Variants in FGF13 observed in about 807,000 individuals in gnomAD.
FGF13 encodes fibroblast growth factor 13, also known as fibroblast growth factor homologous factor 2.
FGF13 carries 2 observed loss-of-function variants against 19.5 expected under a neutral mutation model. The ratio of observed to expected loss-of-function variants is 0.10; its 90% confidence interval spans 0.04 to 0.32. FGF13 has a LOEUF of 0.32. Among genes scored for constraint, FGF13 ranks in the 10% least tolerant of loss-of-function variants. The probability of loss-of-function intolerance (pLI) is 1.00; values close to 1 mark genes in which losing one functional copy is unlikely to be tolerated. For synonymous variants in FGF13, 72 were observed against 76.9 expected (o/e 0.94, Z 0.33); for missense variants, 113 against 192.7 (o/e 0.59, Z 2.45).
intron 3 of FGF13, among the ~76,000 whole-genome samples, chrX:138,850,060 C>T (rs2124125698): frequency 9.0e-6 from 1 of 111,179 alleles, no homozygotes; most frequent in South Asian, 3.8e-4. Flanking sequence ...AAGGAAACCA[C>T]CACCATGATT....
At chrX:138,909,204 C>A (rs996824483) in intron 1 of FGF13, among the ~76,000 whole-genome samples, 4 of 111,585 alleles carry the variant, frequency 3.6e-5, no homozygotes, top group African/African-American at 1.3e-4. Context: ...TCCTGTTTCC[C>A]GGGGATGGAG....
At chrX:138,953,374 A>G (rs1168023479) in intron 1 of FGF13, among the ~76,000 whole-genome samples, 3 of 110,351 alleles carry the variant, frequency 2.7e-5, no homozygotes, top group Non-Finnish European at 5.7e-5. Context: ...TGGGAATTGA[A>G]CAATGAGAAC....
At chrX:139,138,414 G>C (rs1428735284) in intron 1 of FGF13, among the ~76,000 whole-genome samples, 3 of 111,768 alleles carry the variant, frequency 2.7e-5, no homozygotes, top group Non-Finnish European at 5.6e-5. Context: ...TCTCTCCCAA[G>C]TCAGAGGCTA....
At chrX:139,086,297 C>T (rs2083403110) in intron 1 of FGF13, among the ~76,000 whole-genome samples, 1 of 111,178 alleles carries the variant, frequency 9.0e-6, no homozygotes, top group Non-Finnish European at 1.9e-5. Context: ...TACTGCCCCC[C>T]AAACATACTG....
At chrX:138,777,698 C>T (rs1430862148) in intron 3 of FGF13, among the ~76,000 whole-genome samples, 1 of 111,428 alleles carries the variant, frequency 9.0e-6, no homozygotes, top group Admixed American at 9.5e-5. Context: ...AAAATAGCAC[C>T]GCGAAAGCTC....
chrX:139,163,345 G>A (rs1053519945), intron 1 of FGF13, among the ~76,000 whole-genome samples: 1 of 110,394 alleles, frequency 9.1e-6, no homozygotes, highest in Non-Finnish European at 1.9e-5. Flanking sequence ...TGAACACTGA[G>A]AACACATGGA....
At chrX:138,953,962 G>T (rs1056873181) in intron 1 of FGF13, among the ~76,000 whole-genome samples, 3 of 111,356 alleles carry the variant, frequency 2.7e-5, no homozygotes, top group Admixed American at 9.6e-5. Context: ...GAAACAAAGA[G>T]AAACTTTCTA....
chrX:138,667,564 A>G (rs928764935), intron 3 of FGF13: 4 of 312,956 alleles, frequency 1.3e-5, no homozygotes, highest in Middle Eastern at 9.4e-4. Flanking sequence ...TTCAATAACT[A>G]CTAAAGAGAC....
intron 3 of FGF13, among the ~76,000 whole-genome samples, chrX:138,814,489 T>A (rs1020405431): frequency 9.1e-5 from 10 of 110,371 alleles, no homozygotes; most frequent in African/African-American, 2.0e-4. Context: ...TATAAGGAAC[T>A]CAAACAACTC....
intron 1 of FGF13, among the ~76,000 whole-genome samples, chrX:138,934,480 T>A (rs1387208540): frequency 1.8e-5 from 2 of 112,698 alleles, no homozygotes; most frequent in Non-Finnish European, 3.7e-5. Flanking sequence ...TCCTGCCTAA[T>A]AAGTCTGAAG....
intron 1 of FGF13, among the ~76,000 whole-genome samples, chrX:139,197,700 A>G (rs1316594583): frequency 8.9e-6 from 1 of 111,747 alleles, no homozygotes; most frequent in Non-Finnish European, 1.9e-5. Context: ...TGATAGAAAT[A>G]AAAATAGGAG....
At chrX:139,175,613 G>T (rs1243072007) in intron 1 of FGF13, among the ~76,000 whole-genome samples, 1 of 111,774 alleles carries the variant, frequency 8.9e-6, no homozygotes, top group Non-Finnish European at 1.9e-5. Flanking sequence ...GCATGAAAGA[G>T]TGTTGAATAT....
At chrX:138,846,382 A>G (rs1267953228) in intron 3 of FGF13, among the ~76,000 whole-genome samples, 1 of 111,457 alleles carries the variant, frequency 9.0e-6, no homozygotes, top group Non-Finnish European at 1.9e-5. Flanking sequence ...TGCCCCATTG[A>G]AGTCCTCTGT....
intron 1 of FGF13, among the ~76,000 whole-genome samples, chrX:138,869,894 A>G (rs1445590929): frequency 8.9e-6 from 1 of 111,871 alleles, no homozygotes; most frequent in Admixed American, 9.5e-5. Context: ...GGGATTACAG[A>G]TGGAAGAATA....
chrX:139,054,956 G>T (rs1421855533), intron 1 of FGF13, among the ~76,000 whole-genome samples: 1 of 104,616 alleles, frequency 9.6e-6, no homozygotes, highest in Non-Finnish European at 1.9e-5. Flanking sequence ...TTGTAAAAGG[G>T]GTTGAGTTCT....
intron 1 of FGF13, among the ~76,000 whole-genome samples, chrX:138,934,189 C>T (rs899644162): frequency 6.3e-5 from 7 of 111,681 alleles, no homozygotes; most frequent in Admixed American, 9.5e-5. Context: ...GGAGGGGCTC[C>T]TACACTACTC....
chrX:139,090,934 C>A (rs2083436282), intron 1 of FGF13, among the ~76,000 whole-genome samples: 1 of 85,682 alleles, frequency 1.2e-5, no homozygotes, highest in Non-Finnish European at 2.1e-5. Context: ...AGAGGGAGAC[C>A]CTGTCTCAAA....
chrX:139,204,060 C>T, upstream of FGF13: 1 of 1,210,834 alleles, frequency 8.3e-7, no homozygotes, highest in Non-Finnish European at 1.1e-6. Context: ...CGGGCTTACC[C>T]TTAGAAGCAT....
chrX:138,639,683 T>A (rs985480734), intron 3 of FGF13, among the ~76,000 whole-genome samples: 1 of 111,888 alleles, frequency 8.9e-6, no homozygotes, highest in South Asian at 3.7e-4. Context: ...TTGGTTCTTC[T>A]CAGTGAATAC....
Sources: allele counts gnomAD v4.1 joint callset (sites outside exome capture counted in the v4.1 genomes callset), GRCh38; gene constraint gnomAD v4.1.1; transcripts MANE v1.5; gene names NCBI Gene and HGNC (gene_info 2026-07-23, HGNC 2026-07-21).